The following ZNF585B variants were observed in gnomAD, a reference collection of about 807,000 sequenced individuals.
The protein encoded by ZNF585B is zinc finger protein 41-like protein.
In ZNF585B, 7 loss-of-function variants were observed where a neutral mutation model predicts 14.0. The ratio of observed to expected loss-of-function variants is 0.50; its 90% confidence interval spans 0.28 to 0.94. The LOEUF (loss-of-function observed/expected upper bound fraction) is 0.94. Among genes scored for constraint, ZNF585B ranks in the 40% least tolerant of loss-of-function variants. The pLI, the probability that ZNF585B is intolerant of heterozygous loss-of-function variation, is 0.09. For missense variants in ZNF585B, 750 were observed against 924.4 expected, an observed-to-expected ratio of 0.81 and a Z score of 2.45; for synonymous variants, 290 against 317.3, an observed-to-expected ratio of 0.91 and a Z score of 0.91.
intron 2 of ZNF585B, 54 bp from the exon 3 acceptor site, chr19:37,190,204 G>T: frequency 6.2e-7 from 1 of 1,603,380 alleles, no homozygotes; most frequent in South Asian, 1.1e-5. Flanking sequence ...ACGGTGGAGT[G>T]ACTATATATG....
chr19:37,201,561 T>C (rs1336514157), intron 2 of ZNF585B, among the ~76,000 whole-genome samples: 3 of 152,204 alleles, frequency 2.0e-5, no homozygotes, highest in Admixed American at 2.0e-4. Context: ...ACAGTGCCGG[T>C]GTAACATTCA....
At position 37,185,295 on chromosome 19, in the gene ZNF585B, A is replaced by G. The variant is rs1479751330; in HGVS notation, c.2242T>C (p.Cys748Arg). ...TTHTGDKPYK[C>R]GICGKGFVQK... ...ACGAAGCCTTTCCCACAGATGCCAC[A>G]CTTGTAGGGTTTGTCTCCAGTGTGT... The change falls in exon 5 of 5, where the codon TGT (cysteine) becomes CGT (arginine). Residue 748 changes from cysteine (C) to arginine (R), a missense_variant. Physicochemically the swap from Cys to Arg is radical, Grantham distance 180. Around this residue, in one of 2 missense-constraint regions of ZNF585B, gnomAD observed 233 missense variants for 354.1 expected, o/e 0.66. Transcript: ENST00000532828. 6.2e-7 allele frequency: 1 copy of G among 1,614,014 alleles called. No homozygotes were observed. The highest frequency in any genetic ancestry group is 8.5e-7 in the Non-Finnish European group (1 of 1,180,024).
At chr19:37,193,322 T>A (rs1294449228) in intron 2 of ZNF585B, among the ~76,000 whole-genome samples, 1 of 151,572 alleles carries the variant, frequency 6.6e-6, no homozygotes, top group African/African-American at 2.4e-5. Flanking sequence ...ATACAAAAAA[T>A]TAGCTGGGCG....
At chr19:37,189,065 G>A (rs1056682506) in intron 4 of ZNF585B, among the ~76,000 whole-genome samples, 15 of 151,846 alleles carry the variant, frequency 9.9e-5, no homozygotes, top group Non-Finnish European at 2.9e-5. Flanking sequence ...ACCCTCCCAA[G>A]TAACTGGGAT....
intron 2 of ZNF585B, among the ~76,000 whole-genome samples, chr19:37,196,721 C>G (rs1207178259): frequency 6.6e-6 from 1 of 152,142 alleles, no homozygotes; most frequent in Non-Finnish European, 1.5e-5. Flanking sequence ...AATATATTTT[C>G]TCTTCCTTTT....
chr19:37,203,005 C>T (rs1972547055), intron 2 of ZNF585B, among the ~76,000 whole-genome samples: 1 of 152,108 alleles, frequency 6.6e-6, no homozygotes, highest in South Asian at 2.1e-4. Context: ...ATAGAAGTAA[C>T]TATTACTCCT....
intron 2 of ZNF585B, among the ~76,000 whole-genome samples, chr19:37,194,997 C>A (rs547077325): frequency 1.3e-5 from 2 of 152,060 alleles, no homozygotes; most frequent in African/African-American, 4.8e-5. Flanking sequence ...AAATTAATAA[C>A]CCACAGTTAA....
rs73624840 is a variant in ZNF585B at position 37,202,975 on chromosome 19, T to A, written c.72+4065A>T. On this transcript the variant is annotated intron_variant, in intron 2 of 4. Transcript: ENST00000532828. Reference sequence around the variant, plus strand: ...CATGATTTTACATAATACTCACTCGTGATTGTTTGAATCTTAGGTATAGAA... The same window carrying A: ...CATGATTTTACATAATACTCACTCGAGATTGTTTGAATCTTAGGTATAGAA... Among the ~76,000 whole-genome samples, 1,366 of 152,312 alleles carry A rather than the reference T, an allele frequency of 9.0e-3. 21 individuals carry two copies. The highest frequency in any genetic ancestry group is 0.031 in the African/African-American group (1,309 of 41,570).
intron 2 of ZNF585B, among the ~76,000 whole-genome samples, chr19:37,202,298 C>T (rs538671143): frequency 6.6e-6 from 1 of 152,300 alleles, no homozygotes; most frequent in South Asian, 2.1e-4. Context: ...CCACGGCACC[C>T]GGCCTCATCT....
intron 1 of ZNF585B, among the ~76,000 whole-genome samples, 179 bp from the exon 2 acceptor site, chr19:37,207,433 C>T (rs1017234722): frequency 1.3e-5 from 2 of 152,182 alleles, no homozygotes; most frequent in African/African-American, 4.8e-5. Flanking sequence ...TTCACCCCTT[C>T]GATGGGTCTA....
intron 4 of ZNF585B, 108 bp downstream of exon 4, chr19:37,189,553 G>T (rs1043542602): frequency 1.6e-6 from 2 of 1,244,896 alleles, no homozygotes; most frequent in Non-Finnish European, 2.3e-6. Context: ...GAGCCTTACT[G>T]AAGAGTGGTC....
intron 4 of ZNF585B, chr19:37,189,417 A>G: frequency 2.1e-6 from 1 of 474,854 alleles, no homozygotes; most frequent in East Asian, 3.9e-5. Flanking sequence ...TGTTACAGAA[A>G]AGGAATATAA....
At chr19:37,197,168 C>A (rs1972475921) in intron 2 of ZNF585B, among the ~76,000 whole-genome samples, 2 of 151,334 alleles carry the variant, frequency 1.3e-5, no homozygotes, top group Admixed American at 6.6e-5. Context: ...GTGTGATGCT[C>A]CCCACCCTGT....
intron 2 of ZNF585B, among the ~76,000 whole-genome samples, chr19:37,191,306 G>A (rs1400489179): frequency 3.9e-5 from 6 of 152,036 alleles, no homozygotes; most frequent in East Asian, 3.9e-4. Flanking sequence ...AGTGGCTCAC[G>A]CCTGTAATCC....
chr19:37,203,759 G>C (rs1436978322), intron 2 of ZNF585B, among the ~76,000 whole-genome samples: 2 of 152,178 alleles, frequency 1.3e-5, no homozygotes, highest in African/African-American at 4.8e-5. Flanking sequence ...CTCCAGAGTA[G>C]CTGGGATTAC....
chr19:37,208,548 C>G (rs1486474039), intron 1 of ZNF585B, among the ~76,000 whole-genome samples: 1 of 151,116 alleles, frequency 6.6e-6, no homozygotes, highest in South Asian at 2.1e-4. Flanking sequence ...GTGATGATAG[C>G]TTGCTTGTAA....
intron 2 of ZNF585B, among the ~76,000 whole-genome samples, chr19:37,194,528 G>A (rs1271544426): frequency 6.6e-6 from 1 of 152,104 alleles, no homozygotes; most frequent in Admixed American, 6.6e-5. Context: ...GAGGAGAATT[G>A]TTTGAACCTG....
At chr19:37,197,682 G>GT (rs1163046817) in intron 2 of ZNF585B, among the ~76,000 whole-genome samples, 2 of 152,152 alleles carry the variant, frequency 1.3e-5, no homozygotes, top group Non-Finnish European at 2.9e-5. Context: ...TCTAACTGGC[G>GT]TGAGATGGTA....
chr19:37,198,918 A>G (rs1972501826), intron 2 of ZNF585B: 1 of 1,351,128 alleles, frequency 7.4e-7, no homozygotes, highest in African/African-American at 1.5e-5. Flanking sequence ...AATATGTAAA[A>G]TTATGATTTT....
Sources: gnomAD v4.1 joint callset for allele counts (sites outside exome capture counted in the v4.1 genomes callset) on GRCh38, gnomAD v4.1.1 for gene constraint, gnomAD v4.1.1 regional missense constraint, MANE v1.5 for transcripts, NCBI Gene and HGNC (gene_info 2026-07-23, HGNC 2026-07-21) for gene names.